Variants in ZSCAN25 observed in about 807,000 individuals in gnomAD.
ZSCAN25 encodes the protein zinc finger and SCAN domain containing 25, also known as zinc finger and SCAN domain-containing protein 25.
A neutral mutation model predicts 38.7 loss-of-function variants in ZSCAN25; 27 were observed. That is an observed-to-expected ratio of 0.70 (90% CI 0.51 to 0.96). ZSCAN25 has a LOEUF of 0.96. ZSCAN25 is among the 40% of genes least tolerant of loss of function. ZSCAN25 has a pLI of 0.00. For synonymous variants in ZSCAN25, 273 were observed against 277.7 expected (o/e 0.98, Z 0.17); for missense variants, 637 against 705.9 (o/e 0.90, Z 1.11).
At chr7:99,731,080 T>TC in the ZSCAN25 span, 3 of 1,613,774 alleles carry the variant, frequency 1.9e-6, no homozygotes, top group Non-Finnish European at 2.5e-6. Flanking sequence ...ACAAAGCATT[T>TC]CCCAAAAAAG....
At chr7:99,650,316 C>A in the ZSCAN25 span, 3 of 1,253,774 alleles carry the variant, frequency 2.4e-6, no homozygotes, top group South Asian at 1.3e-5. Flanking sequence ...TTAAGAACAA[C>A]CCCCCTCCAC....
In ZSCAN25 at chr7:99,629,096, G is replaced by C. The variant is rs934468738; in HGVS notation, c.806-95G>C. The C allele has an allele frequency of 6.7e-7, 1 of 1,485,618 alleles. No homozygotes were observed. The highest frequency in any genetic ancestry group is 2.4e-5 in the Admixed American group (1 of 41,948). 92.0% of individuals were successfully genotyped at this position (1,485,618 alleles called of 1,614,324 possible). ...TTGTTGGTCAAAGGAAAAAAGAGAAGGAACCATGAATGGGACCCCTGTGAA... is the reference window on the plus strand; with the variant it reads ...TTGTTGGTCAAAGGAAAAAAGAGAACGAACCATGAATGGGACCCCTGTGAA... On this transcript the variant is annotated intron_variant, in intron 7 of 7. Coordinates refer to ENST00000394152, the MANE Select transcript of ZSCAN25 (RefSeq NM_145115.3). The surrounding 1 kb of genome is among the most constrained non-coding windows in gnomAD (Gnocchi z 5.6).
chr7:99,621,395 A>G lies in ZSCAN25; in HGVS notation c.410A>G (p.Glu137Gly), dbSNP rs1428645640. The change falls in exon 5 of 8, where the codon GAG becomes GGG. Residue 137 changes from glutamate to glycine, a missense_variant. Transcript: ENST00000394152. ...AKAVPCHRQG[E>G]QEETALCRGA... is the part of the protein sequence containing the mutation. The stretch of plus-strand genomic sequence containing the variant: ...TAGGTTCCATGCCACAGGCAGGGAG[A>G]GCAGGAGGAAACAGCACTTTGCAGA... The G allele has an allele frequency of 3.4e-6, 5 of 1,463,228 alleles. No individual in the cohort carries two copies. Among genetic ancestry groups the G allele is most frequent in the East Asian group, 2.5e-5 (1 of 39,386 alleles). The allele number at this position is 1,463,228 out of a possible 1,614,324, so 90.6% of individuals were successfully genotyped here. A position where few individuals can be genotyped will look rare whatever the true frequency, so the allele number is the denominator to read the frequency against.
At position 99,623,031 on chromosome 7, in the gene ZSCAN25, C is replaced by A. The variant is rs1004239877; in HGVS notation, c.681+391C>A. ...CCGTGTTAGCCAGGATGGTCTCGATCTCCTGATCTTGTGATCCACCCACTT... is the reference window on the plus strand; with the variant it reads ...CCGTGTTAGCCAGGATGGTCTCGATATCCTGATCTTGTGATCCACCCACTT... On this transcript the variant is annotated intron_variant, in intron 6 of 7. Transcript: ENST00000394152. 3.3e-5 allele frequency among the ~76,000 whole-genome samples: 5 copies of A among 152,212 alleles called. No individual in the cohort carries two copies. The South Asian group carries it at 1.0e-3, about 32-fold the overall frequency.
the ZSCAN25 span, among the ~76,000 whole-genome samples, chr7:99,667,619 T>C: frequency 2.6e-5 from 4 of 152,214 alleles, no homozygotes; most frequent in Non-Finnish European, 5.9e-5. Context: ...TTTTATTCCA[T>C]AAATAGAAGG....
chr7:99,712,395 A>T, the ZSCAN25 span, among the ~76,000 whole-genome samples: 2 of 152,226 alleles, frequency 1.3e-5, no homozygotes, highest in African/African-American at 4.8e-5. Context: ...CTGCTGTCCA[A>T]TGTGGTAGCC....
In ZSCAN25 at chr7:99,631,316, G is replaced by A; in HGVS notation, c.*1296G>A. ...GCTGGTAGCGACCTGTTTTGCATGA[G>A]TGCCAAGTCAGGAAAAATAAAGATA... On this transcript the variant is annotated 3_prime_UTR_variant, in exon 8 of 8. Transcript: ENST00000394152. The A allele has an allele frequency of 2.0e-6, 2 of 985,240 alleles. No homozygotes were observed. The highest frequency in any genetic ancestry group is 2.4e-6 in the Non-Finnish European group (2 of 829,876). The allele number at this position is 985,240 out of a possible 1,614,324, so 61.0% of individuals were successfully genotyped here.
chr7:99,666,316 T>C, the ZSCAN25 span, among the ~76,000 whole-genome samples: 1 of 152,202 alleles, frequency 6.6e-6, no homozygotes, highest in East Asian at 1.9e-4. Context: ...ACAATCATGT[T>C]TTTTTAATTT....
At chr7:99,724,033 T>C in the ZSCAN25 span, among the ~76,000 whole-genome samples, 3 of 151,936 alleles carry the variant, frequency 2.0e-5, no homozygotes, top group African/African-American at 7.2e-5. Context: ...CTTCCCTGGG[T>C]GGCAAGTACC....
At chr7:99,709,094 G>T in the ZSCAN25 span, 1 of 1,613,892 alleles carries the variant, frequency 6.2e-7, no homozygotes, top group Non-Finnish European at 8.5e-7. Context: ...GAAGAACATA[G>T]CTTGGAATCA....
At chr7:99,657,123 A>G in the ZSCAN25 span, among the ~76,000 whole-genome samples, 1 of 152,114 alleles carries the variant, frequency 6.6e-6, no homozygotes, top group Non-Finnish European at 1.5e-5. Flanking sequence ...GCCTTCTGCT[A>G]TCTTTTGAAT....
the ZSCAN25 span, among the ~76,000 whole-genome samples, chr7:99,725,309 C>G: frequency 6.6e-6 from 1 of 152,112 alleles, no homozygotes; most frequent in Non-Finnish European, 1.5e-5. Context: ...AAAAAATCTC[C>G]AAAAATTGGA....
chr7:99,648,381 G>T, the ZSCAN25 span: 2 of 1,609,672 alleles, frequency 1.2e-6, no homozygotes, highest in South Asian at 1.1e-5. Flanking sequence ...AAGTCCTTGC[G>T]TGTCTAATTT....
At chr7:99,708,384 A>C in the ZSCAN25 span, among the ~76,000 whole-genome samples, 1 of 152,104 alleles carries the variant, frequency 6.6e-6, no homozygotes, top group Non-Finnish European at 1.5e-5. Context: ...CACTACTTCA[A>C]AATTGTTATT....
At chr7:99,621,167 A>C in intron 4 of ZSCAN25, 1 of 395,018 alleles carries the variant, frequency 2.5e-6, no homozygotes, top group Non-Finnish European at 4.4e-6. Flanking sequence ...GGACAGATAA[A>C]AGTTGCTCAG....
At chr7:99,734,806 G>C in the ZSCAN25 span, among the ~76,000 whole-genome samples, 1 of 151,992 alleles carries the variant, frequency 6.6e-6, no homozygotes, top group African/African-American at 2.4e-5. Flanking sequence ...AATTTTAGTA[G>C]AGATGGGGTT....
chr7:99,737,756 A>G, the ZSCAN25 span, among the ~76,000 whole-genome samples: 1 of 152,254 alleles, frequency 6.6e-6, no homozygotes, highest in Non-Finnish European at 1.5e-5. Flanking sequence ...GTTGGAATCT[A>G]TACCAACAGT....
chr7:99,711,013 A>G, the ZSCAN25 span: 1 of 1,519,932 alleles, frequency 6.6e-7, no homozygotes, highest in Non-Finnish European at 8.9e-7. Flanking sequence ...AAAGCAATTC[A>G]GAGTCTCACT....
chr7:99,630,544 T>C lies in ZSCAN25; in HGVS notation c.*524T>C. 2 of 989,068 alleles carry C rather than the reference T, an allele frequency of 2.0e-6. No homozygotes were observed. Among genetic ancestry groups the C allele is most frequent in the Non-Finnish European group, 2.4e-6 (2 of 832,452 alleles). The allele number at this position is 989,068 out of a possible 1,614,324, so 61.3% of individuals were successfully genotyped here. A position where few individuals can be genotyped will look rare whatever the true frequency, so the allele number is the denominator to read the frequency against. On this transcript the variant is annotated 3_prime_UTR_variant, in exon 8 of 8. Coordinates refer to ENST00000394152, the MANE Select transcript of ZSCAN25 (RefSeq NM_145115.3). ...CTGGGGGTTGTGCGTTGGGGATGCA[T>C]GCGACAGCCCATGACCCGAGGCATT...
Sources: gnomAD v4.1 joint callset for allele counts (sites outside exome capture counted in the v4.1 genomes callset) on GRCh38, gnomAD v4.1.1 for gene constraint, Gnocchi (gnomAD v3.1) non-coding constraint, MANE v1.5 for transcripts, NCBI Gene and HGNC (gene_info 2026-07-23, HGNC 2026-07-21) for gene names.